Variants in RGS12 observed in about 807,000 individuals in gnomAD.
RGS12 encodes the protein regulator of G protein signaling 12.
RGS12 carries 66 observed loss-of-function variants against 120.1 expected under a neutral mutation model. The ratio of observed to expected loss-of-function variants is 0.55; its 90% CI spans 0.45 to 0.67. RGS12 has a LOEUF of 0.67. RGS12 is among the 30% of genes least tolerant of loss of function. The pLI is 0.00. For synonymous variants in RGS12, 827 were observed against 804.7 expected (o/e 1.03, Z -0.47); for missense variants, 1,859 against 1,957.7 (o/e 0.95, Z 0.95).
chr4:3,380,848 C>A (rs1332086910), intron 3 of RGS12, among the ~76,000 whole-genome samples: 1 of 152,218 alleles, frequency 6.6e-6, no homozygotes, highest in African/African-American at 2.4e-5. Flanking sequence ...CCCCAAAGGT[C>A]TCTGATGTGC....
Position 3,389,824 on chromosome 4 carries a change from C to T in RGS12, c.2020+3387C>T, listed in dbSNP as rs1224380423. Reference sequence around the variant, plus strand: ...CACATGACACCCCACATACATGACCCCGGTGCTCCAGCTGCTTCTCAAACA... The same window carrying T: ...CACATGACACCCCACATACATGACCTCGGTGCTCCAGCTGCTTCTCAAACA... On this transcript the variant is annotated intron_variant, in intron 4 of 17. Transcript: ENST00000336727. This position sits in a 1 kb window ranked among gnomAD's most constrained non-coding sequence, Gnocchi z 5.2. 1.3e-5 allele frequency among the ~76,000 whole-genome samples: 2 copies of T among 152,194 alleles called. No individual in the cohort carries two copies. The highest frequency in any genetic ancestry group is 6.5e-5 in the Admixed American group (1 of 15,284).
chr4:3,322,197 AC>A (rs903793420), intron 2 of RGS12, among the ~76,000 whole-genome samples: 14 of 152,082 alleles, frequency 9.2e-5, no homozygotes, highest in Non-Finnish European at 1.6e-4. Context: ...GAAAGCTCTA[AC>A]CCCCTGCACA....
intron 14 of RGS12, among the ~76,000 whole-genome samples, chr4:3,425,761 C>G (rs1204311499): frequency 5.1e-4 from 8 of 15,582 alleles, no homozygotes; most frequent in South Asian, 3.9e-3. Flanking sequence ...GGGGCTGTGG[C>G]GTTGGCATAG....
In RGS12 at chr4:3,425,453, C is replaced by G; in HGVS notation, c.3235-11C>G. 1 of 1,608,942 alleles carries G rather than the reference C, an allele frequency of 6.2e-7. No individual in the cohort carries two copies. ...TCTGGGTAAATTATTCAGTGCTGAT[C>G]TCTGCCCTAGAGTGGAGAGAAGGAG... On this transcript the variant is annotated splice_polypyrimidine_tract_variant and intron_variant, in intron 13 of 17. Transcript: ENST00000336727.
chr4:3,381,811 T>G (rs1194924267), intron 3 of RGS12, among the ~76,000 whole-genome samples: 1 of 152,234 alleles, frequency 6.6e-6, no homozygotes, highest in African/African-American at 2.4e-5. Context: ...TTTCATACTT[T>G]CAGAGAAATT....
chr4:3,384,771 CA>C (rs1369275886), intron 3 of RGS12, among the ~76,000 whole-genome samples: 1 of 152,222 alleles, frequency 6.6e-6, no homozygotes, highest in Non-Finnish European at 1.5e-5. Context: ...CAGTGCCTGT[CA>C]GGGGGCTTAC....
intron 4 of RGS12, among the ~76,000 whole-genome samples, chr4:3,391,717 C>G (rs1379780483): frequency 1.4e-5 from 2 of 143,102 alleles, no homozygotes; most frequent in Non-Finnish European, 2.9e-5. Context: ...AGAGGGCTGC[C>G]TGGCGTGTTT....
chr4:3,420,564 AG>A, intron 9 of RGS12, 77 bp from the exon 10 acceptor site: 2 of 1,443,964 alleles, frequency 1.4e-6, no homozygotes, highest in East Asian at 4.6e-5. Flanking sequence ...CTCAGCCTAA[AG>A]GGGGCAGAGG....
intron 4 of RGS12, among the ~76,000 whole-genome samples, chr4:3,402,402 G>C (rs1720683401): frequency 6.6e-6 from 1 of 152,090 alleles, no homozygotes; most frequent in Non-Finnish European, 1.5e-5. Context: ...TACACACTCA[G>C]GCCCTTCCTC....
At chr4:3,293,380 G>A (rs1198923667) in intron 1 of RGS12, among the ~76,000 whole-genome samples, 1 of 146,638 alleles carries the variant, frequency 6.8e-6, no homozygotes, top group African/African-American at 2.5e-5. Flanking sequence ...GGGCGGGTGC[G>A]CGGCCTCCTG....
intron 17 of RGS12, among the ~76,000 whole-genome samples, chr4:3,438,261 T>C (rs1296449939): frequency 6.6e-6 from 1 of 151,560 alleles, no homozygotes; most frequent in Non-Finnish European, 1.5e-5. Flanking sequence ...CCAGGCTCAC[T>C]GAGGAAGGGA....
intron 4 of RGS12, among the ~76,000 whole-genome samples, chr4:3,406,846 GA>G (rs1721185691): frequency 6.6e-6 from 1 of 152,230 alleles, no homozygotes; most frequent in African/African-American, 2.4e-5. Flanking sequence ...AGGTTGTTCA[GA>G]AATGTCTGTG....
At chr4:3,428,760 G>A (rs1455633966) in intron 16 of RGS12, 49 bp downstream of exon 16, 2 of 1,495,726 alleles carry the variant, frequency 1.3e-6, no homozygotes, top group East Asian at 2.3e-5. Flanking sequence ...TGCACAGTTA[G>A]TTTCCAGTAT....
chr4:3,420,574 G>A (rs1560167914), intron 9 of RGS12, 68 bp from the exon 10 acceptor site: 1 of 1,514,298 alleles, frequency 6.6e-7, no homozygotes, highest in Non-Finnish European at 9.2e-7. Flanking sequence ...AGGGGGCAGA[G>A]GGTTGGGAGA....
chr4:3,364,546 T>C (rs1716098410), intron 3 of RGS12, among the ~76,000 whole-genome samples: 1 of 151,832 alleles, frequency 6.6e-6, no homozygotes, highest in East Asian at 1.9e-4. Context: ...CAGAAGACTG[T>C]CCAGGGGCTC....
At chr4:3,338,564 G>C (rs1377863200) in intron 2 of RGS12, among the ~76,000 whole-genome samples, 1 of 152,240 alleles carries the variant, frequency 6.6e-6, no homozygotes, top group East Asian at 1.9e-4. Context: ...TGAGGCCCTT[G>C]GTTCTCCCTG....
chr4:3,316,119 A>G lies in RGS12; in HGVS notation c.-52A>G, dbSNP rs764938647. 92 of 1,490,800 alleles carry G rather than the reference A, an allele frequency of 6.2e-5. No homozygotes were observed. The highest frequency in any genetic ancestry group is 7.0e-5 in the Non-Finnish European group (78 of 1,114,914). 92.3% of individuals were successfully genotyped at this position (1,490,800 alleles called of 1,614,324 possible). ...GGTAGCATCAAGCATTCCTTGAAAT[A>G]TGGCTCCAAGGGAACAATGAGACGT... On this transcript the variant is annotated 5_prime_UTR_variant, in exon 2 of 18. In the 5' UTR this introduces an upstream ATG that the reference lacks. Transcript: ENST00000336727.
chr4:3,387,311 C>G (rs1718962078), intron 4 of RGS12, among the ~76,000 whole-genome samples: 1 of 152,250 alleles, frequency 6.6e-6, no homozygotes. Context: ...ATGTCGTTCT[C>G]TCACTTTCTG....
intron 1 of RGS12, among the ~76,000 whole-genome samples, chr4:3,295,073 G>A (rs561284361): frequency 1.3e-5 from 2 of 152,264 alleles, no homozygotes; most frequent in African/African-American, 4.8e-5. Flanking sequence ...TAGGATGAGG[G>A]TCTCGGGGAA....
Sources: allele counts gnomAD v4.1 joint callset (sites outside exome capture counted in the v4.1 genomes callset), GRCh38; gene constraint gnomAD v4.1.1; non-coding constraint Gnocchi (gnomAD v3.1); transcripts MANE v1.5; gene names NCBI Gene and HGNC (gene_info 2026-07-23, HGNC 2026-07-21).